The following ARHGEF6 variants were observed in gnomAD, a reference collection of about 807,000 sequenced individuals.
ARHGEF6 encodes rho guanine nucleotide exchange factor 6.
A neutral mutation model predicts 70.3 loss-of-function variants in ARHGEF6; 9 were observed. That is an observed-to-expected ratio of 0.13 (90% CI 0.08 to 0.22). The LOEUF is 0.22. ARHGEF6 is among the 10% of genes least tolerant of loss of function. The pLI is 1.00. For missense variants in ARHGEF6, 470 were observed against 563.0 expected (o/e 0.83, Z 1.67); for synonymous variants, 201 against 207.8 (o/e 0.97, Z 0.28).
At chrX:136,757,848 C>A (rs1317534008) in intron 2 of ARHGEF6, among the ~76,000 whole-genome samples, 1 of 111,080 alleles carries the variant, frequency 9.0e-6, no homozygotes, top group South Asian at 3.7e-4. Flanking sequence ...TGGACAAGTT[C>A]TTGCTAAGTG....
At chrX:136,746,925 A>G in intron 3 of ARHGEF6, among the ~76,000 whole-genome samples, 1 of 112,135 alleles carries the variant, frequency 8.9e-6, no homozygotes, top group Non-Finnish European at 1.9e-5. Flanking sequence ...TTGGTAAAAT[A>G]TACCAGGGAA....
intron 7 of ARHGEF6, among the ~76,000 whole-genome samples, chrX:136,711,257 TC>T (rs1474411675): frequency 9.0e-6 from 1 of 111,638 alleles, no homozygotes; most frequent in African/African-American, 3.3e-5. Flanking sequence ...TCTTACCGTC[TC>T]CCCTCCCAGA....
chrX:136,757,274 C>T (rs1266887032), intron 2 of ARHGEF6, among the ~76,000 whole-genome samples: 2 of 112,397 alleles, frequency 1.8e-5, no homozygotes, highest in Admixed American at 9.4e-5. Context: ...GCAGGACAAT[C>T]GCTTGAAACC....
chrX:136,731,699 T>C (rs2076936834), intron 6 of ARHGEF6, among the ~76,000 whole-genome samples: 1 of 112,289 alleles, frequency 8.9e-6, no homozygotes, highest in African/African-American at 3.2e-5. Flanking sequence ...AATAATGAAG[T>C]CATTGATTCT....
intron 5 of ARHGEF6, among the ~76,000 whole-genome samples, chrX:136,742,587 T>C (rs1283715701): frequency 8.9e-6 from 1 of 111,805 alleles, no homozygotes; most frequent in East Asian, 2.8e-4. Flanking sequence ...TATTCTTATG[T>C]ATAAGGGTTT....
chrX:136,726,685 C>T (rs930371950), intron 6 of ARHGEF6, among the ~76,000 whole-genome samples: 1 of 112,510 alleles, frequency 8.9e-6, no homozygotes, highest in Admixed American at 9.4e-5. Context: ...AAAACATGCC[C>T]TTTAGGCATC....
chrX:136,695,007 C>G (rs2076496673), intron 9 of ARHGEF6, among the ~76,000 whole-genome samples: 1 of 111,428 alleles, frequency 9.0e-6, no homozygotes, highest in Non-Finnish European at 1.9e-5. Context: ...ACCTAAAGGC[C>G]GAAAGGAAGA....
intron 2 of ARHGEF6, among the ~76,000 whole-genome samples, chrX:136,765,234 G>C (rs2077302444): frequency 8.9e-6 from 1 of 111,974 alleles, no homozygotes; most frequent in African/African-American, 3.2e-5. Context: ...CTGAGAAATG[G>C]TAGATACTCA....
At chrX:136,755,339 G>A (rs1422615680) in intron 2 of ARHGEF6, among the ~76,000 whole-genome samples, 1 of 111,715 alleles carries the variant, frequency 9.0e-6, no homozygotes, top group African/African-American at 3.3e-5. Flanking sequence ...TCTTAGTGAT[G>A]AGAGAATCAA....
intron 9 of ARHGEF6, 107 bp downstream of exon 9, chrX:136,706,801 C>T (rs2076631305): frequency 4.0e-6 from 4 of 1,001,070 alleles, no homozygotes; most frequent in African/African-American, 1.9e-5. Context: ...TTCCTGGCAT[C>T]ATGAACAGGG....
intron 2 of ARHGEF6, among the ~76,000 whole-genome samples, chrX:136,772,299 G>A (rs181942542): frequency 6.1e-4 from 68 of 111,649 alleles, no homozygotes; most frequent in African/African-American, 2.2e-3. Flanking sequence ...TGGTTAATGG[G>A]TACAAAAAAA....
intron 6 of ARHGEF6, among the ~76,000 whole-genome samples, chrX:136,730,980 T>A (rs1469271513): frequency 1.8e-5 from 2 of 111,288 alleles, no homozygotes; most frequent in Non-Finnish European, 3.8e-5. Flanking sequence ...CACTACAACC[T>A]TTCTTTAAAA....
intron 9 of ARHGEF6, among the ~76,000 whole-genome samples, chrX:136,694,316 G>A (rs1188339589): frequency 8.9e-6 from 1 of 112,062 alleles, no homozygotes; most frequent in East Asian, 2.8e-4. Context: ...GCCACCCAAA[G>A]TGCTGGGATT....
intron 2 of ARHGEF6, among the ~76,000 whole-genome samples, chrX:136,777,722 T>A (rs1242876247): frequency 9.4e-6 from 1 of 106,407 alleles, no homozygotes; most frequent in Admixed American, 1.0e-4. Context: ...AAAGAGTGGA[T>A]AAAGAAAATG....
In ARHGEF6 at chrX:136,673,719, T is replaced by C. The variant is rs751478050; in HGVS notation, c.2035+1288A>G. 2.7e-5 allele frequency among the ~76,000 whole-genome samples: 3 copies of C among 111,437 alleles called. No individual in the cohort carries two copies. In the South Asian group the frequency reaches 1.2e-3, roughly 43 times the overall value. On this transcript the variant is annotated intron_variant, in intron 19 of 21. Transcript: ENST00000250617. ...TGAAACATGTTATCAGAGCTATGCA[T>C]GCCCAAAGCCACAGCCAGGTTTTCT...
At chrX:136,727,323 CTTTTTCTTTCTTTCTTTCTTTCTTTCTT>C (rs2076864775) in intron 6 of ARHGEF6, among the ~76,000 whole-genome samples, 2 of 75,657 alleles carry the variant, frequency 2.6e-5, no homozygotes, top group African/African-American at 1.2e-4. Context: ...TTCTTTCTTT[CTTTTTCTTTCTTTCTTTCTTTCTTTCTT>C]TCTTTCTTTC....
At chrX:136,756,290 C>T (rs2077206309) in intron 2 of ARHGEF6, among the ~76,000 whole-genome samples, 2 of 111,439 alleles carry the variant, frequency 1.8e-5, no homozygotes, top group South Asian at 3.8e-4. Context: ...TCAGACTCTA[C>T]GGTTGTTAAT....
In ARHGEF6 at chrX:136,668,144, A is replaced by G; in HGVS notation, c.2216T>C (p.Leu739Pro). ...KQENKRMKQC[L>P]EEELKSRRDL... ...CCTTCTTGATTTCAGTTCTTCTTCC[A>G]GGCATTGCTTCATTCTTTTATTTTC... Residue 739 changes from leucine (L) to proline (P), a missense_variant, in exon 22 of 22, where the codon CTG (leucine) becomes CCG (proline). By Grantham distance (98) the Leu-to-Pro change is moderately conservative. Coordinates refer to ENST00000250617, the MANE Select transcript of ARHGEF6 (RefSeq NM_004840.3). 1 of 1,211,501 alleles carries G rather than the reference A, an allele frequency of 8.3e-7. No individual in the cohort carries two copies.
chrX:136,765,662 G>A (rs1243435618), intron 2 of ARHGEF6, among the ~76,000 whole-genome samples: 11 of 112,848 alleles, frequency 9.7e-5, no homozygotes, highest in Non-Finnish European at 1.1e-4. Flanking sequence ...AAACACTTTT[G>A]TATAAAATGT....
Sources: gnomAD v4.1 joint callset for allele counts (sites outside exome capture counted in the v4.1 genomes callset) on GRCh38, gnomAD v4.1.1 for gene constraint, MANE v1.5 for transcripts, NCBI Gene and HGNC (gene_info 2026-07-23, HGNC 2026-07-21) for gene names.